Variants in FOXP4 observed in about 807,000 individuals in gnomAD.
FOXP4 encodes the protein forkhead box P4.
A neutral mutation model predicts 82.6 loss-of-function variants in FOXP4; 25 were observed. The observed-to-expected ratio is 0.30, with a 90% CI of 0.22 to 0.42. The LOEUF is 0.42. Ranked by LOEUF, FOXP4 falls within the 10% of genes least tolerant of loss-of-function variation. The pLI, the probability that FOXP4 is intolerant of heterozygous loss-of-function variation, is 1.00. For synonymous variants in FOXP4, 415 were observed against 388.2 expected (o/e 1.07, Z -0.81); for missense variants, 785 against 900.9 (o/e 0.87, Z 1.65).
Position 41,591,168 on chromosome 6 carries a change from G to A in FOXP4, c.1435-53G>A. The A allele has an allele frequency of 1.3e-6, 2 of 1,484,386 alleles. No homozygotes were observed. Among genetic ancestry groups the A allele is most frequent in the East Asian group, 4.8e-5 (2 of 41,942 alleles). 92.0% of individuals were successfully genotyped at this position (1,484,386 alleles called of 1,614,324 possible). On this transcript the variant is annotated intron_variant, in intron 12 of 16. Coordinates refer to ENST00000307972, the MANE Select transcript of FOXP4 (RefSeq NM_001012426.2). The surrounding 1 kb of genome is among the most constrained non-coding windows in gnomAD (Gnocchi z 4.2). ...GTACTGGGGGAGGGAACCCAGGGCTGTGACCCTTCGAGGCCCAGGCTGACG... is the reference window on the plus strand; with the variant it reads ...GTACTGGGGGAGGGAACCCAGGGCTATGACCCTTCGAGGCCCAGGCTGACG...
chr6:41,547,708 G>A (rs994547949), intron 1 of FOXP4, among the ~76,000 whole-genome samples: 16 of 152,152 alleles, frequency 1.1e-4, no homozygotes, highest in African/African-American at 3.9e-4. Flanking sequence ...CACCACTTAA[G>A]GGGGGAAGAG....
In FOXP4 at chr6:41,549,455, C is replaced by T. The variant is rs763305772; in HGVS notation, c.-17+2588C>T. Reference sequence around the variant, plus strand: ...CTCTGCCTTTAGAGCCGAAAACTTCCGTTCTGGCTGTAGGCAGGTAGGTCC... The same window carrying T: ...CTCTGCCTTTAGAGCCGAAAACTTCTGTTCTGGCTGTAGGCAGGTAGGTCC... On this transcript the variant is annotated intron_variant, in intron 1 of 16. Coordinates refer to ENST00000307972, the MANE Select transcript of FOXP4 (RefSeq NM_001012426.2). 2.6e-5 allele frequency among the ~76,000 whole-genome samples: 4 copies of T among 152,124 alleles called. No individual in the cohort carries two copies. The East Asian group carries it at 5.8e-4, about 22-fold the overall frequency.
intron 3 of FOXP4, among the ~76,000 whole-genome samples, chr6:41,578,630 A>C (rs1323787331): frequency 7.1e-6 from 1 of 141,184 alleles, no homozygotes. Flanking sequence ...TCCTTTGCAC[A>C]ATCTGCCCTT....
chr6:41,589,783 A>C lies in FOXP4; in HGVS notation c.1078A>C (p.Ser360Arg). ...CCACCCTCCACAGCTCGCCAAGGAG[A>C]GCGAGCGGCTGCAGGCCATGATGGC... ...QQLEIQLAKE[S>R]ERLQAMMAHL... The change falls in exon 10 of 17, where the codon AGC becomes CGC. Residue 360 changes from serine to arginine, a missense_variant. Ser to Arg is a moderately radical substitution (Grantham distance 110, BLOSUM62 -1). Coordinates refer to ENST00000307972, the MANE Select transcript of FOXP4 (RefSeq NM_001012426.2). The C allele has an allele frequency of 6.2e-7, 1 of 1,611,260 alleles. No individual in the cohort carries two copies. The highest frequency in any genetic ancestry group is 8.5e-7 in the Non-Finnish European group (1 of 1,179,864).
rs372407378 is a variant in FOXP4 at position 41,597,239 on chromosome 6, C to T, written c.1722C>T (p.Tyr574=). The part of the protein sequence containing the change: ...GLSYGALNAS[Y]QAALAESSFP... ...GCTATGGAGCACTTAATGCCAGCTA[C>T]CAGGTGACCTGCCCAGAGCCCACCC... Residue 574 remains tyrosine (Y), a synonymous_variant, in exon 15 of 17, where the codon TAC becomes TAT. Transcript: ENST00000307972. 10 of 1,614,136 alleles carry T rather than the reference C, an allele frequency of 6.2e-6. No homozygotes were observed. The highest frequency in any genetic ancestry group is 8.5e-6 in the Non-Finnish European group (10 of 1,180,008).
chr6:41,584,112 A>ACACACATG (rs1462692038), intron 3 of FOXP4, among the ~76,000 whole-genome samples: 1 of 152,180 alleles, frequency 6.6e-6, no homozygotes, highest in Non-Finnish European at 1.5e-5. Context: ...AGACATAGCT[A>ACACACATG]CACACATGCA....
At chr6:41,580,657 C>T (rs762017478) in intron 3 of FOXP4, among the ~76,000 whole-genome samples, 2 of 152,184 alleles carry the variant, frequency 1.3e-5, no homozygotes, top group African/African-American at 4.8e-5. Context: ...GATCCTTGTC[C>T]TGAAGTAGGG....
intron 12 of FOXP4, among the ~76,000 whole-genome samples, chr6:41,590,832 C>T (rs1041989908): frequency 1.3e-5 from 2 of 152,202 alleles, no homozygotes; most frequent in African/African-American, 2.4e-5. Context: ...CTTAGGGTAC[C>T]TTTTGCCAAA....
chr6:41,566,782 C>G (rs1764904744), intron 2 of FOXP4, among the ~76,000 whole-genome samples: 1 of 152,150 alleles, frequency 6.6e-6, no homozygotes. Context: ...GGAATCACTG[C>G]TGGTGGTGCC....
At chr6:41,580,746 C>T (rs539860331) in intron 3 of FOXP4, among the ~76,000 whole-genome samples, 20 of 152,180 alleles carry the variant, frequency 1.3e-4, no homozygotes, top group Admixed American at 7.2e-4. Flanking sequence ...GCTCCCCACC[C>T]GAGCAGAAGA....
Position 41,558,268 on chromosome 6 carries a change from C to T in FOXP4, c.-16-7477C>T, listed in dbSNP as rs1764387404. 1.3e-5 allele frequency among the ~76,000 whole-genome samples: 2 copies of T among 152,210 alleles called. No homozygotes were observed. The highest frequency in any genetic ancestry group is 1.3e-4 in the Admixed American group (2 of 15,282). On this transcript the variant is annotated intron_variant, in intron 1 of 16. Coordinates refer to ENST00000307972, the MANE Select transcript of FOXP4 (RefSeq NM_001012426.2). The surrounding 1 kb of genome is among the most constrained non-coding windows in gnomAD (Gnocchi z 4.0). The stretch of plus-strand genomic sequence containing the variant: ...GAGCCAAGCAGTGCGTGACTCACAT[C>T]ACCCACCTCTGGCTTCAGGACCTAT...
chr6:41,597,671 G>C, intron 15 of FOXP4, 110 bp from the exon 16 acceptor site: 1 of 1,372,284 alleles, frequency 7.3e-7, no homozygotes, highest in Non-Finnish European at 9.8e-7. Context: ...CGTGGGGCCA[G>C]TAGGCAGACA....
chr6:41,583,695 A>G (rs1765933157), intron 3 of FOXP4, among the ~76,000 whole-genome samples: 1 of 152,238 alleles, frequency 6.6e-6, no homozygotes, highest in South Asian at 2.1e-4. Context: ...AGACAGCCCC[A>G]TCAGAGCACC....
intron 13 of FOXP4, 29 bp from the exon 14 acceptor site, chr6:41,594,841 C>T (rs751549532): frequency 1.2e-6 from 2 of 1,612,934 alleles, no homozygotes; most frequent in East Asian, 2.2e-5. Context: ...AGCAAGCCGC[C>T]TCTGAGCTCC....
At chr6:41,566,809 A>C (rs1764906258) in intron 2 of FOXP4, among the ~76,000 whole-genome samples, 1 of 152,112 alleles carries the variant, frequency 6.6e-6, no homozygotes. Context: ...TGAGTGGGGC[A>C]GGGGGCGGGG....
chr6:41,589,983 C>G lies in FOXP4; in HGVS notation c.1170C>G (p.Ser390=), dbSNP rs756866767. Residue 390 remains serine, a synonymous_variant, in exon 11 of 17, where the codon TCC becomes TCG. Transcript: ENST00000307972. ...CACAGCTGAACCCGGTCCCCGGCTC[C>G]TCCTCATTCTCCAAGGTGACCGTCT... ...FSQPLNPVPG[S]SSFSKVTVSA... 17 of 1,613,816 alleles carry G rather than the reference C, an allele frequency of 1.1e-5. No individual in the cohort carries two copies. In the Admixed American group the frequency reaches 2.8e-4, roughly 27 times the overall value.
intron 2 of FOXP4, among the ~76,000 whole-genome samples, chr6:41,567,781 T>A (rs1384794827): frequency 6.6e-6 from 1 of 152,260 alleles, no homozygotes; most frequent in African/African-American, 2.4e-5. Flanking sequence ...GAGCCATGTT[T>A]TCCCATCTAT....
chr6:41,575,500 T>C (rs1475209644), intron 2 of FOXP4, among the ~76,000 whole-genome samples: 1 of 151,660 alleles, frequency 6.6e-6, no homozygotes, highest in African/African-American at 2.4e-5. Context: ...CTGGCTCTCA[T>C]CTGGCCTGGT....
chr6:41,549,541 G>T (rs1345515740), intron 1 of FOXP4, among the ~76,000 whole-genome samples: 1 of 152,106 alleles, frequency 6.6e-6, no homozygotes, highest in Non-Finnish European at 1.5e-5. Flanking sequence ...CTCTTCCTTG[G>T]TGGGAGGGAA....
Sources: allele counts gnomAD v4.1 joint callset (sites outside exome capture counted in the v4.1 genomes callset), GRCh38; gene constraint gnomAD v4.1.1; non-coding constraint Gnocchi (gnomAD v3.1); transcripts MANE v1.5; gene names NCBI Gene and HGNC (gene_info 2026-07-23, HGNC 2026-07-21).